The following APLP1 variants were observed in gnomAD, a reference collection of about 807,000 sequenced individuals.
APLP1 encodes amyloid beta (A4) precursor-like protein 1.
APLP1 carries 46 observed loss-of-function variants against 84.5 expected under a neutral mutation model. The observed-to-expected ratio is 0.54, with a 90% CI of 0.43 to 0.70. The LOEUF (loss-of-function observed/expected upper bound fraction) is 0.70. APLP1 is among the 30% of genes least tolerant of loss of function. The pLI is 0.00. For synonymous variants in APLP1, 376 were observed against 364.0 expected, an observed-to-expected ratio of 1.03 and a Z score of -0.38; for missense variants, 826 against 900.2, an observed-to-expected ratio of 0.92 and a Z score of 1.05.
chr19:35,878,762 A>C, intron 14 of APLP1, 108 bp downstream of exon 14: 1 of 1,529,020 alleles, frequency 6.5e-7, no homozygotes, highest in Non-Finnish European at 9.1e-7. Context: ...TCCTGAGGGA[A>C]GAGGGAGCTG....
Position 35,874,991 on chromosome 19 carries a change from C to A in APLP1, c.1344+122C>A. 1 of 1,346,716 alleles carries A rather than the reference C, an allele frequency of 7.4e-7. No homozygotes were observed. Among genetic ancestry groups the A allele is most frequent in the Non-Finnish European group, 1.0e-6 (1 of 1,002,806 alleles). The allele number at this position is 1,346,716 out of a possible 1,614,324, so 83.4% of individuals were successfully genotyped here. A position where few individuals can be genotyped will look rare whatever the true frequency, so the allele number is the denominator to read the frequency against. On this transcript the variant is annotated intron_variant, in intron 10 of 16. Transcript: ENST00000221891. The surrounding 1 kb of genome is among the most constrained non-coding windows in gnomAD (Gnocchi z 6.4). ...TGGACCCCTTCCTATCCCCTGAACA[C>A]CGCTTCTCTGCCCCTTCCCAGTCTC...
Position 35,874,303 on chromosome 19 carries a change from TG to T in APLP1, c.1057-199del, listed in dbSNP as rs1409296045. On this transcript the variant is annotated intron_variant, in intron 8 of 16. Transcript: ENST00000221891. The surrounding 1 kb of genome is among the most constrained non-coding windows in gnomAD (Gnocchi z 6.4). ...AATCTTACAGTTTACATCCTCACAT[TG>T]GCTCCCAGTGGGCCTAGTCCCACCT... 6.6e-6 allele frequency among the ~76,000 whole-genome samples: 1 copy of T among 152,174 alleles called. No individual in the cohort carries two copies. The highest frequency in any genetic ancestry group is 1.5e-5 in the Non-Finnish European group (1 of 68,028).
At position 35,874,666 on chromosome 19, in the gene APLP1, C is replaced by G. The variant is rs753303621; in HGVS notation, c.1215+4C>G. The stretch of plus-strand genomic sequence containing the variant: ...CCTGCAGGCAGATCCGCCTCAGGTG[C>G]GGGGACCGTGGGGGCAGAGAGCAGA... On this transcript the variant is annotated splice_donor_region_variant and intron_variant, in intron 9 of 16. Coordinates refer to ENST00000221891, the MANE Select transcript of APLP1 (RefSeq NM_001024807.3). This position sits in a 1 kb window ranked among gnomAD's most constrained non-coding sequence, Gnocchi z 6.4. 3.7e-6 allele frequency: 6 copies of G among 1,613,238 alleles called. No homozygotes were observed. Among genetic ancestry groups the G allele is most frequent in the African/African-American group, 1.3e-5 (1 of 74,940 alleles).
chr19:35,874,364 G>T lies in APLP1; in HGVS notation c.1057-140G>T. On this transcript the variant is annotated intron_variant, in intron 8 of 16. Transcript: ENST00000221891. The surrounding 1 kb of genome is among the most constrained non-coding windows in gnomAD (Gnocchi z 6.4). The stretch of plus-strand genomic sequence containing the variant: ...CTGGCCCTGTAGCCCACCCCTTCCA[G>T]TCCATAACCTTTGGTTCTGCCCAGG... 1 of 1,044,276 alleles carries T rather than the reference G, an allele frequency of 9.6e-7. No homozygotes were observed. The highest frequency in any genetic ancestry group is 1.4e-6 in the Non-Finnish European group (1 of 707,404). The allele number at this position is 1,044,276 out of a possible 1,614,324, so 64.7% of individuals were successfully genotyped here. A position where few individuals can be genotyped will look rare whatever the true frequency, so the allele number is the denominator to read the frequency against.
intron 10 of APLP1, among the ~76,000 whole-genome samples, chr19:35,875,573 G>A (rs1302323934): frequency 6.6e-6 from 1 of 152,064 alleles, no homozygotes; most frequent in Non-Finnish European, 1.5e-5. Flanking sequence ...ATCCACCCTT[G>A]GCCTCCTAAA....
intron 2 of APLP1, 149 bp downstream of exon 2, chr19:35,869,959 G>A (rs996889040): frequency 9.6e-7 from 1 of 1,044,256 alleles, no homozygotes; most frequent in Non-Finnish European, 1.3e-6. Context: ...CAGGGGACCT[G>A]TTTTGAGATA....
chr19:35,869,197 C>T (rs1974075715), intron 1 of APLP1: 3 of 377,698 alleles, frequency 7.9e-6, no homozygotes, highest in Non-Finnish European at 1.4e-5. Flanking sequence ...GTCCTTCAGT[C>T]ACCACCCACC....
At chr19:35,876,402 C>G (rs1974281981) in intron 10 of APLP1, 115 bp from the exon 11 acceptor site, 1 of 844,898 alleles carries the variant, frequency 1.2e-6, no homozygotes, top group Admixed American at 1.8e-5. Flanking sequence ...ACATCCTGTC[C>G]ATTGCATGTG....
intron 11 of APLP1, among the ~76,000 whole-genome samples, chr19:35,876,974 C>G (rs555002581): frequency 6.6e-6 from 1 of 152,290 alleles, no homozygotes; most frequent in South Asian, 2.1e-4. Flanking sequence ...GCTAGATTCC[C>G]TACATGGTGG....
At chr19:35,875,702 C>G (rs887130930) in intron 10 of APLP1, among the ~76,000 whole-genome samples, 1 of 152,192 alleles carries the variant, frequency 6.6e-6, no homozygotes, top group Non-Finnish European at 1.5e-5. Flanking sequence ...CTCAGGTGAT[C>G]TGCCTGCCTT....
At chr19:35,876,715 A>G in intron 11 of APLP1, 99 bp downstream of exon 11, 1 of 952,090 alleles carries the variant, frequency 1.1e-6, no homozygotes, top group Non-Finnish European at 1.5e-6. Flanking sequence ...CCTCTATAAC[A>G]AACAGCCCAG....
chr19:35,873,848 C>A, intron 8 of APLP1, 135 bp downstream of exon 8: 1 of 778,386 alleles, frequency 1.3e-6, no homozygotes, highest in Non-Finnish European at 2.2e-6. Context: ...TGGCCCCATG[C>A]CTACATGCAG....
At chr19:35,878,437 T>C (rs936121424) in intron 13 of APLP1, 147 bp from the exon 14 acceptor site, 13 of 785,030 alleles carry the variant, frequency 1.7e-5, no homozygotes, top group Admixed American at 2.4e-5. Context: ...TCCCAGCTGC[T>C]CAGGAGGCTG....
At chr19:35,878,206 G>A in intron 13 of APLP1, 98 bp downstream of exon 13, 2 of 1,340,130 alleles carry the variant, frequency 1.5e-6, no homozygotes, top group Non-Finnish European at 2.1e-6. Context: ...AGACCCCCTG[G>A]GGTAGAGTTT....
intron 3 of APLP1, 102 bp downstream of exon 3, chr19:35,871,130 T>A: frequency 6.6e-7 from 1 of 1,519,718 alleles, no homozygotes; most frequent in African/African-American, 1.4e-5. Flanking sequence ...GGTGCTTGTG[T>A]CCTAAGTGGG....
intron 2 of APLP1, chr19:35,870,653 GCGTGCCTGTAA>G: frequency 2.1e-6 from 1 of 475,844 alleles, no homozygotes; most frequent in Non-Finnish European, 3.7e-6. Flanking sequence ...GCATGGTGGT[GCGTGCCTGTAA>G]TCCCAGCTAC....
At chr19:35,870,173 C>A in intron 2 of APLP1, 1 of 298,332 alleles carries the variant, frequency 3.4e-6, no homozygotes. Flanking sequence ...GGGGCGTGGC[C>A]ATGAAAAGAC....
chr19:35,879,238 G>A (rs1490887107), intron 16 of APLP1, 21 bp downstream of exon 16: 1 of 1,610,442 alleles, frequency 6.2e-7, no homozygotes, highest in Non-Finnish European at 8.5e-7. Context: ...TGGCGTGGTG[G>A]AGGTGTGGGA....
At chr19:35,869,301 G>A (rs1974077837) in intron 1 of APLP1, 2 of 528,138 alleles carry the variant, frequency 3.8e-6, no homozygotes, top group African/African-American at 4.0e-5. Context: ...TCCTGCAACG[G>A]GAGCCTGAGC....
Sources: allele counts gnomAD v4.1 joint callset (sites outside exome capture counted in the v4.1 genomes callset), GRCh38; gene constraint gnomAD v4.1.1; non-coding constraint Gnocchi (gnomAD v3.1); transcripts MANE v1.5; gene names NCBI Gene and HGNC (gene_info 2026-07-23, HGNC 2026-07-21).